Variants in MINDY3 observed in about 807,000 individuals in gnomAD.
The protein encoded by MINDY3 is ubiquitin carboxyl-terminal hydrolase MINDY-3.
A neutral mutation model predicts 69.2 loss-of-function variants in MINDY3; 38 were observed. That is an observed-to-expected ratio of 0.55 (90% CI 0.42 to 0.72). The LOEUF is 0.72. Among genes scored for constraint, MINDY3 ranks in the 30% least tolerant of loss-of-function variants. The pLI, the probability that MINDY3 is intolerant of heterozygous loss-of-function variation, is 0.00. For missense variants in MINDY3, 522 were observed against 519.0 expected (o/e 1.01, Z -0.06); for synonymous variants, 192 against 180.1 (o/e 1.07, Z -0.53).
intron 13 of MINDY3, 58 bp downstream of exon 13, chr10:15,786,503 A>C: frequency 9.7e-7 from 1 of 1,028,782 alleles, no homozygotes; most frequent in East Asian, 2.4e-5. Flanking sequence ...TGCTGCAAAC[A>C]ATCACAGGTA....
At chr10:15,817,678 T>C (rs1183595833) in intron 9 of MINDY3, 1 of 152,224 alleles carries the variant, frequency 6.6e-6, no homozygotes, top group Non-Finnish European at 1.5e-5. Context: ...ACAGAAACTT[T>C]AACTTAAAAA....
chr10:15,796,902 A>G (rs1428078561), intron 10 of MINDY3, among the ~76,000 whole-genome samples: 2 of 152,032 alleles, frequency 1.3e-5, no homozygotes, highest in Non-Finnish European at 2.9e-5. Context: ...GACACACATG[A>G]ATCTAAAATG....
chr10:15,791,472 A>AAT (rs1837408650), intron 11 of MINDY3, among the ~76,000 whole-genome samples: 1 of 151,960 alleles, frequency 6.6e-6, no homozygotes, highest in Non-Finnish European at 1.5e-5. Context: ...AAAAGAAAAA[A>AAT]ATAGAACTTG....
chr10:15,822,371 C>T (rs1839825765), intron 8 of MINDY3, among the ~76,000 whole-genome samples: 1 of 152,082 alleles, frequency 6.6e-6, no homozygotes, highest in Non-Finnish European at 1.5e-5. Flanking sequence ...AGAGTATCTG[C>T]CTACAGTGTT....
intron 5 of MINDY3, chr10:15,837,615 T>A: frequency 6.1e-6 from 8 of 1,302,076 alleles, no homozygotes; most frequent in Non-Finnish European, 8.0e-6. Flanking sequence ...TACAGTTATT[T>A]AAAGAATAGA....
At chr10:15,786,755 A>T (rs1837002090) in intron 12 of MINDY3, 107 bp from the exon 13 acceptor site, 1 of 699,074 alleles carries the variant, frequency 1.4e-6, no homozygotes, top group Admixed American at 2.6e-5. Context: ...TGCCAAAAAC[A>T]CTAAGAGCTG....
intron 8 of MINDY3, among the ~76,000 whole-genome samples, chr10:15,822,533 C>A (rs1839838916): frequency 6.6e-6 from 1 of 152,106 alleles, no homozygotes; most frequent in Admixed American, 6.6e-5. Flanking sequence ...AAGAATTTGG[C>A]AAAGTTTCCT....
chr10:15,779,880 T>C (rs1588489762), intron 14 of MINDY3, among the ~76,000 whole-genome samples: 1 of 152,156 alleles, frequency 6.6e-6, no homozygotes, highest in Non-Finnish European at 1.5e-5. Context: ...TTCTGATTAA[T>C]TTACAATGAA....
Position 15,847,863 on chromosome 10 carries a change from C to T in MINDY3, c.174+1G>A. 6.2e-7 allele frequency: 1 copy of T among 1,612,174 alleles called. No individual in the cohort carries two copies. Among genetic ancestry groups the T allele is most frequent in the Non-Finnish European group, 8.5e-7 (1 of 1,178,346 alleles). ...GGAGTTGGTAAAGGAGTCTATGTTACCTGAACAGGTGCAATAACAGCACAG... is the reference window on the plus strand; with the variant it reads ...GGAGTTGGTAAAGGAGTCTATGTTATCTGAACAGGTGCAATAACAGCACAG... On this transcript the variant is annotated splice_donor_variant, in intron 2 of 14. Transcript: ENST00000277632. LOFTEE classifies it high-confidence loss of function.
chr10:15,793,899 G>T (rs1041357790), intron 11 of MINDY3, among the ~76,000 whole-genome samples: 1 of 152,050 alleles, frequency 6.6e-6, no homozygotes, highest in African/African-American at 2.4e-5. Flanking sequence ...TGCTCCAAAC[G>T]ATCAGTACTA....
At chr10:15,790,387 T>G (rs1479971547) in intron 11 of MINDY3, among the ~76,000 whole-genome samples, 1 of 152,110 alleles carries the variant, frequency 6.6e-6, no homozygotes, top group Non-Finnish European at 1.5e-5. Flanking sequence ...ATTTTTTAAG[T>G]GAAGGGTTTA....
chr10:15,824,592 C>T (rs779417044), intron 8 of MINDY3, among the ~76,000 whole-genome samples: 5 of 152,072 alleles, frequency 3.3e-5, no homozygotes, highest in East Asian at 1.9e-4. Context: ...TTCATATCTT[C>T]GCAAACTTTT....
intron 12 of MINDY3, chr10:15,788,839 A>ATCTT (rs1032780272): frequency 7.1e-5 from 11 of 154,268 alleles, no homozygotes; most frequent in Admixed American, 3.8e-4. Flanking sequence ...ATCTTTGATC[A>ATCTT]TCTTTATTTA....
intron 6 of MINDY3, among the ~76,000 whole-genome samples, chr10:15,835,366 T>C (rs527795576): frequency 6.6e-6 from 1 of 152,116 alleles, no homozygotes; most frequent in Non-Finnish European, 1.5e-5. Flanking sequence ...TCTATCATAT[T>C]AGAGGTCATT....
At position 15,847,927 on chromosome 10, in the gene MINDY3, T is replaced by C; in HGVS notation, c.111A>G (p.Glu37=). The C allele has an allele frequency of 6.2e-7, 1 of 1,613,880 alleles. No homozygotes were observed. Among genetic ancestry groups the C allele is most frequent in the Non-Finnish European group, 8.5e-7 (1 of 1,179,822 alleles). The part of the protein sequence containing the change: ...CRWTQGFVFS[E]SEGSALEQFE... The stretch of plus-strand genomic sequence containing the variant: ...ACTGTTCTAATGCAGATCCCTCTGA[T>C]TCACTAAACACAAACCCTAAAAATG... Residue 37 remains glutamate (E), a synonymous_variant, in exon 2 of 15, where the codon GAA becomes GAG. Coordinates refer to ENST00000277632, the MANE Select transcript of MINDY3 (RefSeq NM_024948.4).
intron 10 of MINDY3, among the ~76,000 whole-genome samples, chr10:15,800,225 AT>A (rs11455843): frequency 0.16 from 23,630 of 152,022 alleles, 2,295 homozygotes; most frequent in South Asian, 0.22. Context: ...ATACTAGTCT[AT>A]TTTTTCTACT....
At chr10:15,845,672 C>G (rs1418427816) in intron 2 of MINDY3, among the ~76,000 whole-genome samples, 1 of 150,236 alleles carries the variant, frequency 6.7e-6, no homozygotes, top group Non-Finnish European at 1.5e-5. Context: ...CTAATTTTTT[C>G]AATTTTTTTT....
chr10:15,843,873 A>C (rs2132099115), intron 2 of MINDY3, among the ~76,000 whole-genome samples: 2 of 152,254 alleles, frequency 1.3e-5, no homozygotes, highest in East Asian at 3.9e-4. Context: ...TACTTCTCAA[A>C]GTGTAGTTCA....
At chr10:15,858,736 G>A (rs1339825835) in intron 1 of MINDY3, among the ~76,000 whole-genome samples, 2 of 152,094 alleles carry the variant, frequency 1.3e-5, no homozygotes, top group African/African-American at 4.8e-5. Context: ...AATATAAACA[G>A]GGCTGAATAT....
Sources: gnomAD v4.1 joint callset for allele counts (sites outside exome capture counted in the v4.1 genomes callset) on GRCh38, gnomAD v4.1.1 for gene constraint, MANE v1.5 for transcripts, NCBI Gene and HGNC (gene_info 2026-07-23, HGNC 2026-07-21) for gene names.